TMEM178B: variants seen among roughly 807,000 people sequenced by gnomAD.
TMEM178B encodes transmembrane protein 178B.
TMEM178B carries 5 observed loss-of-function variants against 31.0 expected under a neutral mutation model. The observed-to-expected ratio is 0.16, with a 90% CI of 0.08 to 0.34. The LOEUF is 0.34. Ranked by LOEUF, TMEM178B falls within the 10% of genes least tolerant of loss-of-function variation. TMEM178B has a pLI of 1.00. For synonymous variants in TMEM178B, 164 were observed against 164.0 expected, an observed-to-expected ratio of 1.00 and a Z score of 0.00; for missense variants, 275 against 400.3, an observed-to-expected ratio of 0.69 and a Z score of 2.67.
In TMEM178B at chr7:141,186,215, G is replaced by T. The variant is rs1009825089; in HGVS notation, c.383-26376G>T. ...AGGAAACCAGAGCTAATCCTAGAAG[G>T]TCCAGTGGGTGCCAAGAACCAAGCA... On this transcript the variant is annotated intron_variant, in intron 1 of 3. Transcript: ENST00000565468. Among the ~76,000 whole-genome samples, 10 of 152,282 alleles carry T rather than the reference G, an allele frequency of 6.6e-5. No individual in the cohort carries two copies. In the East Asian group the frequency reaches 1.3e-3, roughly 21 times the overall value.
intron 3 of TMEM178B, among the ~76,000 whole-genome samples, chr7:141,438,088 C>T (rs1031569718): frequency 4.6e-5 from 7 of 152,144 alleles, no homozygotes; most frequent in Admixed American, 2.0e-4. Context: ...AGTACTTGGG[C>T]ATTTCATTAT....
Position 141,422,176 on chromosome 7 carries a change from T to A in TMEM178B, c.497-15432T>A, listed in dbSNP as rs1231674948. Among the ~76,000 whole-genome samples, 1 of 152,158 alleles carries A rather than the reference T, an allele frequency of 6.6e-6. No individual in the cohort carries two copies. The highest frequency in any genetic ancestry group is 1.5e-5 in the Non-Finnish European group (1 of 68,014). On this transcript the variant is annotated intron_variant, in intron 2 of 3. Coordinates refer to ENST00000565468, the MANE Select transcript of TMEM178B (RefSeq NM_001195278.2). This position sits in a 1 kb window ranked among gnomAD's most constrained non-coding sequence, Gnocchi z 4.2. Reference sequence around the variant, plus strand: ...CTTCTGGCTCCTCCAGGGCTGCGGTTGGTGAAAGGAGGACAGGTAAAAGGC... The same window carrying A: ...CTTCTGGCTCCTCCAGGGCTGCGGTAGGTGAAAGGAGGACAGGTAAAAGGC...
chr7:141,276,120 T>TGAAGTA (rs1798262500), intron 2 of TMEM178B, among the ~76,000 whole-genome samples: 1 of 152,014 alleles, frequency 6.6e-6, no homozygotes, highest in African/African-American at 2.4e-5. Flanking sequence ...ATGGGGAAAA[T>TGAAGTA]GCAGTGGGTT....
At chr7:141,213,945 G>T (rs1455908037) in intron 2 of TMEM178B, among the ~76,000 whole-genome samples, 8 of 152,202 alleles carry the variant, frequency 5.3e-5, no homozygotes, top group Non-Finnish European at 1.0e-4. Context: ...TCCATTACTA[G>T]AGACACTAAG....
chr7:141,143,442 C>G (rs1217269833), intron 1 of TMEM178B, among the ~76,000 whole-genome samples: 4 of 152,192 alleles, frequency 2.6e-5, no homozygotes, highest in Admixed American at 2.6e-4. Flanking sequence ...TATGGCTAGC[C>G]AGCTATCCCA....
intron 1 of TMEM178B, among the ~76,000 whole-genome samples, chr7:141,187,864 T>G (rs1239307651): frequency 1.3e-5 from 2 of 152,198 alleles, no homozygotes; most frequent in Admixed American, 6.5e-5. Context: ...ATGAGTAGGT[T>G]GCAAAAATTT....
At chr7:141,262,258 G>A (rs1010975275) in intron 2 of TMEM178B, among the ~76,000 whole-genome samples, 3 of 152,022 alleles carry the variant, frequency 2.0e-5, no homozygotes, top group African/African-American at 7.2e-5. Context: ...CTGATTTTGA[G>A]TGGAATCTAT....
chr7:141,225,803 T>C (rs1429839184), intron 2 of TMEM178B, among the ~76,000 whole-genome samples: 2 of 152,142 alleles, frequency 1.3e-5, no homozygotes, highest in African/African-American at 4.8e-5. Flanking sequence ...ACAAGATCGA[T>C]GTTTGCCCCT....
At chr7:141,108,561 C>G (rs899445569) in intron 1 of TMEM178B, among the ~76,000 whole-genome samples, 7 of 151,982 alleles carry the variant, frequency 4.6e-5, no homozygotes, top group African/African-American at 1.7e-4. Context: ...AGATCATCAC[C>G]CAAGAGTGAG....
intron 2 of TMEM178B, among the ~76,000 whole-genome samples, chr7:141,297,364 A>C (rs551178360): frequency 6.6e-6 from 1 of 152,086 alleles, no homozygotes; most frequent in East Asian, 1.9e-4. Flanking sequence ...TATTATTATT[A>C]TTTTTATTAT....
At chr7:141,340,073 A>G (rs1799490894) in intron 2 of TMEM178B, among the ~76,000 whole-genome samples, 1 of 152,252 alleles carries the variant, frequency 6.6e-6, no homozygotes. Context: ...TACATGGAAA[A>G]GAGGACTTTG....
At chr7:141,420,513 A>G (rs902188347) in intron 2 of TMEM178B, among the ~76,000 whole-genome samples, 3 of 152,206 alleles carry the variant, frequency 2.0e-5, no homozygotes, top group African/African-American at 7.2e-5. Context: ...CTGGGTCAAC[A>G]TAGCCTTCAA....
chr7:141,474,003 CA>C lies in TMEM178B; in HGVS notation c.*3220del, dbSNP rs1554491158. On this transcript the variant is annotated 3_prime_UTR_variant, in exon 4 of 4. Coordinates refer to ENST00000565468, the MANE Select transcript of TMEM178B (RefSeq NM_001195278.2). ...AGGTCAGACTCTGCTAACTCCAAAT[CA>C]AAGTGGAACCCAACCTTATGAGGGC... 1 of 152,206 alleles carries C rather than the reference CA, an allele frequency of 6.6e-6. No individual in the cohort carries two copies. Among genetic ancestry groups the C allele is most frequent in the Non-Finnish European group, 1.5e-5 (1 of 68,050 alleles). The allele number at this position is 152,206 out of a possible 1,614,324, so 9.4% of individuals were successfully genotyped here. A position where few individuals can be genotyped will look rare whatever the true frequency, so the allele number is the denominator to read the frequency against.
intron 2 of TMEM178B, among the ~76,000 whole-genome samples, chr7:141,349,453 G>T (rs1010781227): frequency 2.6e-5 from 4 of 152,158 alleles, no homozygotes; most frequent in Non-Finnish European, 5.9e-5. Flanking sequence ...AGATGGATGG[G>T]TTCACATTTA....
intron 1 of TMEM178B, among the ~76,000 whole-genome samples, chr7:141,079,455 C>T (rs1253190280): frequency 6.6e-6 from 1 of 152,140 alleles, no homozygotes; most frequent in Non-Finnish European, 1.5e-5. Flanking sequence ...CCTATAGCCT[C>T]TAAAAGAACC....
chr7:141,359,307 A>T (rs941977879), intron 2 of TMEM178B, among the ~76,000 whole-genome samples: 1 of 152,166 alleles, frequency 6.6e-6, no homozygotes. Flanking sequence ...TCCTCTTTGT[A>T]GTTGAGTCTT....
chr7:141,355,697 A>G (rs1799807473), intron 2 of TMEM178B, among the ~76,000 whole-genome samples: 1 of 152,176 alleles, frequency 6.6e-6, no homozygotes, highest in African/African-American at 2.4e-5. Context: ...TTTTGTTTTT[A>G]TCACCTGTGC....
intron 2 of TMEM178B, among the ~76,000 whole-genome samples, chr7:141,233,499 A>G (rs777308984): frequency 8.5e-5 from 13 of 152,110 alleles, no homozygotes; most frequent in African/African-American, 1.7e-4. Flanking sequence ...CTCTTCTTCT[A>G]TTTTGGGCTA....
chr7:141,503,339 G>T, the TMEM178B span, among the ~76,000 whole-genome samples: 1 of 152,184 alleles, frequency 6.6e-6, no homozygotes, highest in Non-Finnish European at 1.5e-5. Context: ...AGGCCTCAAC[G>T]AGTAAGTACC....
Sources: allele counts gnomAD v4.1 joint callset (sites outside exome capture counted in the v4.1 genomes callset), GRCh38; gene constraint gnomAD v4.1.1; non-coding constraint Gnocchi (gnomAD v3.1); transcripts MANE v1.5; gene names NCBI Gene and HGNC (gene_info 2026-07-23, HGNC 2026-07-21).